Variants in CFAP157 observed in about 807,000 individuals in gnomAD.
CFAP157 encodes the protein cilia- and flagella-associated protein 157.
A neutral mutation model predicts 57.8 loss-of-function variants in CFAP157; 43 were observed. The observed-to-expected ratio is 0.74, with a 90% CI of 0.58 to 0.96. The LOEUF (loss-of-function observed/expected upper bound fraction) is 0.96. Among genes scored for constraint, CFAP157 ranks in the 40% least tolerant of loss-of-function variants. CFAP157 has a pLI of 0.00. For synonymous variants in CFAP157, 267 were observed against 269.0 expected (o/e 0.99, Z 0.07); for missense variants, 606 against 655.3 (o/e 0.92, Z 0.82).
In CFAP157 at chr9:127,709,686, CA is replaced by C. The variant is rs1435865701; in HGVS notation, c.427del (p.Ile143SerfsTer55). The C allele has an allele frequency of 6.2e-7, 1 of 1,613,060 alleles. No homozygotes were observed. The highest frequency in any genetic ancestry group is 1.7e-5 in the Admixed American group (1 of 59,972). On this transcript the variant is annotated frameshift_variant, in exon 2 of 9. Transcript: ENST00000373295. LOFTEE classifies it high-confidence loss of function. The surrounding 1 kb of genome is among the most constrained non-coding windows in gnomAD (Gnocchi z 4.7). ...AGGACCAGCTCACCACGGAGAACATCATCCTTGGTGAGGAGGGGACTGGCTG... is the reference window on the plus strand; with the variant it reads ...AGGACCAGCTCACCACGGAGAACATCTCCTTGGTGAGGAGGGGACTGGCTG... ...TKDQLTTENIILGGKLAALEE... is the reference protein window; with the variant it reads ...TKDQLTTENIXLGGKLAALEE...
intron 6 of CFAP157, 74 bp from the exon 7 acceptor site, chr9:127,712,635 A>T: frequency 1.2e-6 from 2 of 1,611,934 alleles, no homozygotes; most frequent in Non-Finnish European, 8.5e-7. Context: ...ATGGGCACTG[A>T]GGTTGGAATT....
chr9:127,707,824 CCA>C (rs1842680898), intron 1 of CFAP157, among the ~76,000 whole-genome samples: 1 of 152,196 alleles, frequency 6.6e-6, no homozygotes, highest in African/African-American at 2.4e-5. Context: ...AGGCACCGCC[CCA>C]GTCTCAGGGT....
At position 127,715,047 on chromosome 9, in the gene CFAP157, C is replaced by T. The variant is rs1192579783; in HGVS notation, c.*1142C>T. ...CGGAGCAGGACCAGTTGGGCATCCC[C>T]CAGCGGGGCCAGGGCGAGGTCGGCG... On this transcript the variant is annotated 3_prime_UTR_variant, in exon 9 of 9. Coordinates refer to ENST00000373295, the MANE Select transcript of CFAP157 (RefSeq NM_001012502.3). This position sits in a 1 kb window ranked among gnomAD's most constrained non-coding sequence, Gnocchi z 5.8. The T allele has an allele frequency of 6.6e-7, 1 of 1,525,924 alleles. No homozygotes were observed. Among genetic ancestry groups the T allele is most frequent in the South Asian group, 1.2e-5 (1 of 82,982 alleles). The allele number at this position is 1,525,924 out of a possible 1,614,324, so 94.5% of individuals were successfully genotyped here. A position where few individuals can be genotyped will look rare whatever the true frequency, so the allele number is the denominator to read the frequency against.
At position 127,714,941 on chromosome 9, in the gene CFAP157, G is replaced by GA; in HGVS notation, c.*1036_*1037insA. 1.1e-5 allele frequency: 5 copies of GA among 446,378 alleles called. No individual in the cohort carries two copies. The highest frequency in any genetic ancestry group is 6.3e-5 in the South Asian group (3 of 47,492). 27.7% of individuals were successfully genotyped at this position (446,378 alleles called of 1,614,324 possible). A position where few individuals can be genotyped will look rare whatever the true frequency, so the allele number is the denominator to read the frequency against. On this transcript the variant is annotated 3_prime_UTR_variant, in exon 9 of 9. Transcript: ENST00000373295. ...CCGCGCCCCAACCCCCACCCCCTTGGCCCGCCCGCCCACCCCTGGCGCTCT... is the reference window on the plus strand; with the variant it reads ...CCGCGCCCCAACCCCCACCCCCTTGGACCCGCCCGCCCACCCCTGGCGCTCT...
chr9:127,714,573 A>G lies in CFAP157; in HGVS notation c.*668A>G. 6.2e-7 allele frequency: 1 copy of G among 1,607,994 alleles called. No homozygotes were observed. Among genetic ancestry groups the G allele is most frequent in the African/African-American group, 1.3e-5 (1 of 74,886 alleles). ...CCCCAACTGGGAGGCCTGAAGCCCTATCCCAACCCTGACCATCTCAGGACC... is the reference window on the plus strand; with the variant it reads ...CCCCAACTGGGAGGCCTGAAGCCCTGTCCCAACCCTGACCATCTCAGGACC... On this transcript the variant is annotated 3_prime_UTR_variant, in exon 9 of 9. Transcript: ENST00000373295.
chr9:127,707,426 G>A (rs1294792395), intron 1 of CFAP157, among the ~76,000 whole-genome samples: 4 of 152,162 alleles, frequency 2.6e-5, no homozygotes, highest in Non-Finnish European at 5.9e-5. Context: ...CTGGGCCCAC[G>A]ATGCTAGCTC....
rs1248872058 is a variant in CFAP157 at position 127,714,069 on chromosome 9, A to C, written c.*164A>C. 25 of 1,605,728 alleles carry C rather than the reference A, an allele frequency of 1.6e-5. No homozygotes were observed. Among genetic ancestry groups the C allele is most frequent in the East Asian group, 2.2e-5 (1 of 44,560 alleles). On this transcript the variant is annotated 3_prime_UTR_variant, in exon 9 of 9. Coordinates refer to ENST00000373295, the MANE Select transcript of CFAP157 (RefSeq NM_001012502.3). The stretch of plus-strand genomic sequence containing the variant: ...GGCAGTGGCTGGGTTGGTGGGCACT[A>C]CAGTCAGGCAGGCAGCCATGGCCAC...
Position 127,710,770 on chromosome 9 carries a change from AC to A in CFAP157, c.587+19del. ...ACAAGGACAGGTGGGCAAGCGGGGCACCCTTTGGGGCCTTTGGAGGCTTCAT... is the reference window on the plus strand; with the variant it reads ...ACAAGGACAGGTGGGCAAGCGGGGCACCTTTGGGGCCTTTGGAGGCTTCAT... On this transcript the variant is annotated intron_variant, in intron 3 of 8. Coordinates refer to ENST00000373295, the MANE Select transcript of CFAP157 (RefSeq NM_001012502.3). 6.4e-7 allele frequency: 1 copy of A among 1,556,600 alleles called. No individual in the cohort carries two copies. Among genetic ancestry groups the A allele is most frequent in the Non-Finnish European group, 8.7e-7 (1 of 1,149,430 alleles).
At position 127,712,363 on chromosome 9, in the gene CFAP157, A is replaced by G; in HGVS notation, c.1137+14A>G. 1.2e-6 allele frequency: 2 copies of G among 1,613,070 alleles called. No homozygotes were observed. Among genetic ancestry groups the G allele is most frequent in the Non-Finnish European group, 1.7e-6 (2 of 1,179,600 alleles). On this transcript the variant is annotated intron_variant, in intron 6 of 8. Transcript: ENST00000373295. ...AACATTCTGCAGGTGAGCAGAAGGGAGAGAGGGAGGGCGCAAGGGGAGGGG... is the reference window on the plus strand; with the variant it reads ...AACATTCTGCAGGTGAGCAGAAGGGGGAGAGGGAGGGCGCAAGGGGAGGGG...
In CFAP157 at chr9:127,711,936, T is replaced by C. The variant is rs778310407; in HGVS notation, c.972T>C (p.Asp324=). ...LEQRSLQLQV[D]NQALKSQRDQ... ...AGAGATCCCTGCAGCTGCAGGTGGA[T>C]AACCAGGCACTGAAGTGCGTATGGC... Residue 324 remains aspartate (D), a synonymous_variant, in exon 5 of 9, where the codon GAT becomes GAC. Coordinates refer to ENST00000373295, the MANE Select transcript of CFAP157 (RefSeq NM_001012502.3). 3.1e-6 allele frequency: 5 copies of C among 1,606,140 alleles called. No homozygotes were observed. Among genetic ancestry groups the C allele is most frequent in the African/African-American group, 1.3e-5 (1 of 74,882 alleles).
In CFAP157 at chr9:127,710,595, G is replaced by A. The variant is rs745560232; in HGVS notation, c.434-6G>A. ...ATCATTGGGCCTTGTGCGCTGTGGCGGCCAGGGGGGAAGCTGGCAGCCCTG... is the reference window on the plus strand; with the variant it reads ...ATCATTGGGCCTTGTGCGCTGTGGCAGCCAGGGGGGAAGCTGGCAGCCCTG... On this transcript the variant is annotated splice_region_variant and splice_polypyrimidine_tract_variant and intron_variant, in intron 2 of 8. Transcript: ENST00000373295. 1.6e-5 allele frequency: 26 copies of A among 1,576,182 alleles called. No individual in the cohort carries two copies. The highest frequency in any genetic ancestry group is 1.7e-4 in the Middle Eastern group (1 of 5,720).
intron 8 of CFAP157, 38 bp from the exon 9 acceptor site, chr9:127,713,796 T>C: frequency 6.3e-7 from 1 of 1,583,756 alleles, no homozygotes; most frequent in Non-Finnish European, 8.7e-7. Flanking sequence ...TGTGAGCCAC[T>C]GCACCCGGCC....
intron 2 of CFAP157, among the ~76,000 whole-genome samples, chr9:127,710,064 G>A: frequency 6.6e-6 from 1 of 152,164 alleles, no homozygotes; most frequent in East Asian, 1.9e-4. Flanking sequence ...CTTGAGCCCA[G>A]GAGCTTGAGA....
Position 127,714,779 on chromosome 9 carries a change from G to T in CFAP157, c.*874G>T. The T allele has an allele frequency of 1.6e-6, 2 of 1,264,740 alleles. No individual in the cohort carries two copies. The highest frequency in any genetic ancestry group is 3.9e-5 in the Admixed American group (2 of 50,888). The allele number at this position is 1,264,740 out of a possible 1,614,324, so 78.3% of individuals were successfully genotyped here. A position where few individuals can be genotyped will look rare whatever the true frequency, so the allele number is the denominator to read the frequency against. ...CACTGTCCCGACTCCCATGATGAGGGACCACAACTAATCCCACTTCACATA... is the reference window on the plus strand; with the variant it reads ...CACTGTCCCGACTCCCATGATGAGGTACCACAACTAATCCCACTTCACATA... On this transcript the variant is annotated 3_prime_UTR_variant, in exon 9 of 9. Coordinates refer to ENST00000373295, the MANE Select transcript of CFAP157 (RefSeq NM_001012502.3).
rs1326378701 is a variant in CFAP157 at position 127,715,791 on chromosome 9, T to C, written c.*1886T>C. ...CTGAGGGGCGGAAGCGGCGAGGCGG[T>C]GGCCGAGTCCGGGAACCCAGGCGCC... On this transcript the variant is annotated 3_prime_UTR_variant, in exon 9 of 9. Coordinates refer to ENST00000373295, the MANE Select transcript of CFAP157 (RefSeq NM_001012502.3). This position sits in a 1 kb window ranked among gnomAD's most constrained non-coding sequence, Gnocchi z 5.8. The C allele has an allele frequency of 2.1e-6, 3 of 1,461,172 alleles. No individual in the cohort carries two copies. Among genetic ancestry groups the C allele is most frequent in the African/African-American group, 1.4e-5 (1 of 69,838 alleles). The allele number at this position is 1,461,172 out of a possible 1,614,324, so 90.5% of individuals were successfully genotyped here.
chr9:127,709,283 A>T lies in CFAP157; in HGVS notation c.162-139A>T. On this transcript the variant is annotated intron_variant, in intron 1 of 8. Coordinates refer to ENST00000373295, the MANE Select transcript of CFAP157 (RefSeq NM_001012502.3). The surrounding 1 kb of genome is among the most constrained non-coding windows in gnomAD (Gnocchi z 4.7). ...CTGTCGGACCAAGGGGCATAGTGGGAGATGAGGCTGGATTCTGATCACAAG... is the reference window on the plus strand; with the variant it reads ...CTGTCGGACCAAGGGGCATAGTGGGTGATGAGGCTGGATTCTGATCACAAG... The T allele has an allele frequency of 6.1e-6, 5 of 817,932 alleles. No individual in the cohort carries two copies. The highest frequency in any genetic ancestry group is 7.6e-6 in the Non-Finnish European group (4 of 524,150). 50.7% of individuals were successfully genotyped at this position (817,932 alleles called of 1,614,324 possible). A position where few individuals can be genotyped will look rare whatever the true frequency, so the allele number is the denominator to read the frequency against.
intron 6 of CFAP157, 121 bp downstream of exon 6, chr9:127,712,470 G>A (rs1307760879): frequency 2.7e-6 from 4 of 1,468,792 alleles, no homozygotes; most frequent in Non-Finnish European, 3.7e-6. Flanking sequence ...AGAGACTCCT[G>A]GAAAGTCTGT....
In CFAP157 at chr9:127,708,257, T is replaced by C. The variant is rs534706457; in HGVS notation, c.161+1065T>C. Among the ~76,000 whole-genome samples, 6 of 152,258 alleles carry C rather than the reference T, an allele frequency of 3.9e-5. No individual in the cohort carries two copies. In the East Asian group the frequency reaches 1.2e-3, roughly 29 times the overall value. On this transcript the variant is annotated intron_variant, in intron 1 of 8. Transcript: ENST00000373295. ...ACTTTGGGAGGCCAAGGTGGGCAGA[T>C]CATGAGGTCAGGAGTTCGAGACCAG...
Position 127,714,297 on chromosome 9 carries a change from G to GA in CFAP157, c.*393dup, listed in dbSNP as rs1289882118. The GA allele has an allele frequency of 6.2e-7, 1 of 1,614,010 alleles. No individual in the cohort carries two copies. The highest frequency in any genetic ancestry group is 2.2e-5 in the East Asian group (1 of 44,880). Reference sequence around the variant, plus strand: ...CTTGGCATTGCCTGTGGGAGAGCCAGAGAGGCCCAGGAAGCTTTGGCGAGG... The same window carrying GA: ...CTTGGCATTGCCTGTGGGAGAGCCAGAAGAGGCCCAGGAAGCTTTGGCGAGG... On this transcript the variant is annotated 3_prime_UTR_variant, in exon 9 of 9. Transcript: ENST00000373295.
Sources: gnomAD v4.1 joint callset for allele counts (sites outside exome capture counted in the v4.1 genomes callset) on GRCh38, gnomAD v4.1.1 for gene constraint, Gnocchi (gnomAD v3.1) non-coding constraint, MANE v1.5 for transcripts, NCBI Gene and HGNC (gene_info 2026-07-23, HGNC 2026-07-21) for gene names.